METAP1D: variants seen among roughly 807,000 people sequenced by gnomAD.
METAP1D encodes methionine aminopeptidase 1D, mitochondrial.
In METAP1D, 31 loss-of-function variants were observed where a neutral mutation model predicts 40.5. The ratio of observed to expected loss-of-function variants is 0.77; its 90% CI spans 0.58 to 1.03. METAP1D has a LOEUF of 1.03. Among genes scored for constraint, METAP1D ranks in the 50% least tolerant of loss-of-function variants. The pLI is 0.00. For synonymous variants in METAP1D, 151 were observed against 146.4 expected, an observed-to-expected ratio of 1.03 and a Z score of -0.22; for missense variants, 411 against 420.7, an observed-to-expected ratio of 0.98 and a Z score of 0.20.
At chr2:172,077,352 T>C (rs936645872) in intron 6 of METAP1D, among the ~76,000 whole-genome samples, 2 of 152,380 alleles carry the variant, frequency 1.3e-5, no homozygotes, top group Non-Finnish European at 2.9e-5. Flanking sequence ...ATTTCTATAT[T>C]GTAATTTGTT....
At chr2:172,005,523 TATATA>T (rs1688557392) in intron 1 of METAP1D, among the ~76,000 whole-genome samples, 1 of 90,622 alleles carries the variant, frequency 1.1e-5, no homozygotes, top group Admixed American at 1.1e-4. Flanking sequence ...CTGTATTTTA[TATATA>T]TATATATATA....
At position 172,080,222 on chromosome 2, in the gene METAP1D, TC is replaced by T; in HGVS notation, c.929+17del. On this transcript the variant is annotated intron_variant, in intron 9 of 9. Transcript: ENST00000315796. Reference sequence around the variant, plus strand: ...ACAATCAAAGGTGTTTGCTTTCTGCTCTGTTGCTTTTAAATTGTATGGGAAA... The same window carrying T: ...ACAATCAAAGGTGTTTGCTTTCTGCTTGTTGCTTTTAAATTGTATGGGAAA... 6.2e-7 allele frequency: 1 copy of T among 1,614,126 alleles called. No individual in the cohort carries two copies. The highest frequency in any genetic ancestry group is 8.5e-7 in the Non-Finnish European group (1 of 1,179,936).
chr2:172,032,456 T>C (rs755527826), intron 1 of METAP1D, among the ~76,000 whole-genome samples: 2 of 152,180 alleles, frequency 1.3e-5, no homozygotes, highest in Non-Finnish European at 2.9e-5. Context: ...ACACTGAATT[T>C]GTTGTTGAAA....
At chr2:172,076,572 G>T (rs1025605751) in intron 6 of METAP1D, among the ~76,000 whole-genome samples, 15 of 152,332 alleles carry the variant, frequency 9.8e-5, no homozygotes, top group African/African-American at 3.1e-4. Context: ...TGCACTAACA[G>T]TTACATCAAA....
chr2:172,010,260 C>T (rs1031333691), intron 1 of METAP1D, among the ~76,000 whole-genome samples: 2 of 151,282 alleles, frequency 1.3e-5, no homozygotes, highest in Admixed American at 6.6e-5. Flanking sequence ...TCCACCTCAG[C>T]CCCCCAAGTA....
At chr2:172,037,067 C>T (rs1333381154) in intron 1 of METAP1D, among the ~76,000 whole-genome samples, 1 of 152,146 alleles carries the variant, frequency 6.6e-6, no homozygotes, top group Non-Finnish European at 1.5e-5. Context: ...CAAGACCAGC[C>T]TGACCAACAT....
chr2:172,058,135 G>A (rs2105469226), intron 1 of METAP1D, among the ~76,000 whole-genome samples: 1 of 151,846 alleles, frequency 6.6e-6, no homozygotes, highest in African/African-American at 2.4e-5. Context: ...CTGGACTACA[G>A]TAGCTGATGG....
At chr2:172,052,512 A>G (rs1315260958) in intron 1 of METAP1D, among the ~76,000 whole-genome samples, 1 of 152,174 alleles carries the variant, frequency 6.6e-6, no homozygotes, top group Non-Finnish European at 1.5e-5. Flanking sequence ...CTCGCTCTGT[A>G]TTTTATTTGG....
intron 3 of METAP1D, among the ~76,000 whole-genome samples, chr2:172,065,297 A>G (rs2105481205): frequency 6.6e-6 from 1 of 152,278 alleles, no homozygotes; most frequent in African/African-American, 2.4e-5. Context: ...CGAAGAACAT[A>G]ATTTTGAAAT....
chr2:172,044,928 C>T (rs1369378509), intron 1 of METAP1D, among the ~76,000 whole-genome samples: 1 of 131,498 alleles, frequency 7.6e-6, no homozygotes, highest in African/African-American at 2.6e-5. Context: ...TGAAAAACAA[C>T]CCAAGAGACC....
intron 1 of METAP1D, among the ~76,000 whole-genome samples, chr2:172,034,169 A>G (rs1689315044): frequency 6.6e-6 from 1 of 152,190 alleles, no homozygotes; most frequent in Non-Finnish European, 1.5e-5. Context: ...ATAGGCTTCA[A>G]AATTATCCAG....
At chr2:172,006,986 C>T (rs1688601376) in intron 1 of METAP1D, among the ~76,000 whole-genome samples, 1 of 152,066 alleles carries the variant, frequency 6.6e-6, no homozygotes, top group African/African-American at 2.4e-5. Context: ...GATTTCCCAC[C>T]TGTTCACTCA....
rs143605770 is a variant in METAP1D at position 172,033,341 on chromosome 2, A to G, written c.41-28157A>G. ...TAGACCTTATTTGGCTCCTATTTTA[A>G]TAATACATTTGTTTAATTTTTTTTT... is the stretch of plus-strand genomic sequence containing the variant. On this transcript the variant is annotated intron_variant, in intron 1 of 9. Coordinates refer to ENST00000315796, the MANE Select transcript of METAP1D (RefSeq NM_199227.3). 3.1e-4 allele frequency among the ~76,000 whole-genome samples: 47 copies of G among 152,112 alleles called. 2 individuals carry two copies. Among genetic ancestry groups the G allele is most frequent in the African/African-American group, 1.1e-3 (47 of 41,500 alleles).
intron 1 of METAP1D, among the ~76,000 whole-genome samples, chr2:172,032,725 G>A (rs1465299356): frequency 6.6e-6 from 1 of 152,188 alleles, no homozygotes; most frequent in Non-Finnish European, 1.5e-5. Flanking sequence ...AAGAGCCACA[G>A]CTATCAGAGC....
chr2:172,000,667 G>A (rs940941806), intron 1 of METAP1D, among the ~76,000 whole-genome samples: 5 of 152,196 alleles, frequency 3.3e-5, no homozygotes, highest in African/African-American at 1.2e-4. Flanking sequence ...ATCATATTTT[G>A]AGGAGCTACT....
intron 1 of METAP1D, among the ~76,000 whole-genome samples, chr2:172,005,239 C>G (rs116633389): frequency 6.6e-6 from 1 of 151,950 alleles, no homozygotes; most frequent in Non-Finnish European, 1.5e-5. Context: ...GAAGTGAATT[C>G]TGAGATTTTA....
At chr2:172,041,459 A>AC (rs1689521370) in intron 1 of METAP1D, among the ~76,000 whole-genome samples, 1 of 20,050 alleles carries the variant, frequency 5.0e-5, no homozygotes, top group Admixed American at 7.5e-4. Flanking sequence ...ACTCTGTATC[A>AC]AAAAAAAAAA....
rs773997121 is a variant in METAP1D, at chr2:172,065,759, A to C, written c.497+7A>C. 19 of 1,611,930 alleles carry C rather than the reference A, an allele frequency of 1.2e-5. No individual in the cohort carries two copies. In the Admixed American group the frequency reaches 3.2e-4, roughly 27 times the overall value. ...GTCATGGTATTCCTGACAGGTATTC[A>C]GTTCTTAATAACATATTGTTCCTTT... On this transcript the variant is annotated splice_region_variant and intron_variant, in intron 4 of 9. Coordinates refer to ENST00000315796, the MANE Select transcript of METAP1D (RefSeq NM_199227.3).
intron 1 of METAP1D, among the ~76,000 whole-genome samples, chr2:172,058,595 G>T (rs1193802069): frequency 3.3e-5 from 5 of 151,962 alleles, no homozygotes; most frequent in Non-Finnish European, 5.9e-5. Flanking sequence ...GCCCAAGCTG[G>T]TCTCAGACTC....
Sources: gnomAD v4.1 joint callset for allele counts (sites outside exome capture counted in the v4.1 genomes callset) on GRCh38, gnomAD v4.1.1 for gene constraint, MANE v1.5 for transcripts, NCBI Gene and HGNC (gene_info 2026-07-23, HGNC 2026-07-21) for gene names.